STX2: variants seen among roughly 807,000 people sequenced by gnomAD.
STX2 encodes syntaxin 2, also known as syntaxin-2.
A neutral mutation model predicts 40.6 loss-of-function variants in STX2; 27 were observed. That is an observed-to-expected ratio of 0.66 (90% CI 0.49 to 0.92). STX2 has a LOEUF of 0.92. Among genes scored for constraint, STX2 ranks in the 40% least tolerant of loss-of-function variants. STX2 has a pLI of 0.00. For missense variants in STX2, 328 were observed against 366.1 expected (o/e 0.90, Z 0.85); for synonymous variants, 123 against 119.1 (o/e 1.03, Z -0.22).
At chr12:130,795,248 T>C (rs1950993104) in intron 10 of STX2, among the ~76,000 whole-genome samples, 1 of 152,222 alleles carries the variant, frequency 6.6e-6, no homozygotes, top group South Asian at 2.1e-4. Context: ...TCAATGTTTT[T>C]CTCAGCGTTC....
At chr12:130,812,707 A>G in intron 4 of STX2, 1 of 364,332 alleles carries the variant, frequency 2.7e-6, no homozygotes, top group South Asian at 3.8e-5. Context: ...GAGCCTGGCA[A>G]CTCACCTTCC....
intron 10 of STX2, 87 bp from the exon 11 acceptor site, chr12:130,792,064 T>G: frequency 2.2e-6 from 2 of 906,360 alleles, no homozygotes; most frequent in Non-Finnish European, 3.4e-6. Flanking sequence ...GGATTTGGGA[T>G]AGTTTAAAAA....
intron 6 of STX2, among the ~76,000 whole-genome samples, chr12:130,804,514 C>T (rs752756190): frequency 1.6e-4 from 25 of 152,150 alleles, no homozygotes; most frequent in Middle Eastern, 6.8e-3. Context: ...AAGACAGGGC[C>T]GGCTGCACAC....
chr12:130,797,892 C>CA (rs1197607197), intron 9 of STX2, among the ~76,000 whole-genome samples: 2 of 152,184 alleles, frequency 1.3e-5, no homozygotes, highest in Non-Finnish European at 2.9e-5. Flanking sequence ...TTCTTTCCTC[C>CA]AAACCAAGAA....
intron 10 of STX2, 106 bp downstream of exon 10, chr12:130,795,889 C>G: frequency 1.5e-6 from 2 of 1,366,304 alleles, no homozygotes; most frequent in Non-Finnish European, 1.9e-6. Context: ...ATCTGTACTG[C>G]GTGGCTGGCA....
At chr12:130,816,632 A>T (rs1951869430) in intron 3 of STX2, among the ~76,000 whole-genome samples, 1 of 152,222 alleles carries the variant, frequency 6.6e-6, no homozygotes, top group African/African-American at 2.4e-5. Flanking sequence ...ACTCTTTCTA[A>T]ATCTGTGTAA....
At position 130,813,917 on chromosome 12, in the gene STX2, AC is replaced by A. The variant is rs553555228; in HGVS notation, c.206-887del. On this transcript the variant is annotated intron_variant, in intron 3 of 10. Transcript: ENST00000392373. ...ACTTGCCTCTCTCACTCAATCTCAC[AC>A]GCATCAGCCGGGGAAAAGGCAAACG... Among the ~76,000 whole-genome samples, 6 of 152,210 alleles carry A rather than the reference AC, an allele frequency of 3.9e-5. No individual in the cohort carries two copies. In the East Asian group the frequency reaches 1.2e-3, roughly 29 times the overall value.
intron 1 of STX2, among the ~76,000 whole-genome samples, chr12:130,832,503 C>T (rs1952602627): frequency 6.6e-6 from 1 of 152,084 alleles, no homozygotes; most frequent in Non-Finnish European, 1.5e-5. Flanking sequence ...CTCTCCAAAG[C>T]ACTTGCAATA....
intron 1 of STX2, among the ~76,000 whole-genome samples, chr12:130,831,943 T>A (rs1038163095): frequency 1.3e-5 from 2 of 150,710 alleles, no homozygotes; most frequent in Middle Eastern, 3.2e-3. Flanking sequence ...TGATCACAGT[T>A]CACAACAGCT....
At chr12:130,812,364 G>A (rs574985098) in intron 4 of STX2, 7 of 454,970 alleles carry the variant, frequency 1.5e-5, no homozygotes, top group South Asian at 7.8e-5. Context: ...GAGCGGGTGC[G>A]GGTGGGAGCT....
At chr12:130,832,477 A>C (rs1259692762) in intron 1 of STX2, among the ~76,000 whole-genome samples, 1 of 152,036 alleles carries the variant, frequency 6.6e-6, no homozygotes, top group Non-Finnish European at 1.5e-5. Flanking sequence ...CAGCTTCACT[A>C]AACAATGCCA....
chr12:130,818,185 A>AAAATATATATATATAT, intron 3 of STX2, among the ~76,000 whole-genome samples: 50 of 70,496 alleles, frequency 7.1e-4, no homozygotes, highest in African/African-American at 1.1e-3. Flanking sequence ...AAAAAAAAAA[A>AAAATATATATATATAT]ATATATATAT....
intron 1 of STX2, 115 bp downstream of exon 1, chr12:130,838,955 A>G: frequency 1.1e-6 from 1 of 927,694 alleles, no homozygotes; most frequent in South Asian, 3.1e-5. Context: ...AGAACGCCGG[A>G]GATCCCCGCC....
At chr12:130,800,353 T>C (rs1177507304) in intron 8 of STX2, among the ~76,000 whole-genome samples, 1 of 150,292 alleles carries the variant, frequency 6.7e-6, no homozygotes, top group African/African-American at 2.4e-5. Context: ...CAGGCTGGAG[T>C]GTAGTGGCAT....
chr12:130,813,009 A>T lies in STX2; in HGVS notation c.228T>A (p.Asp76Glu), dbSNP rs1951718046. ...PEGKIKEELE[D>E]LNKEIKKTAN... ...CAGTTTTCTTGATTTCTTTGTTCAG[A>T]TCTTCAAGCTCTTCTTTTATTTCTA... Residue 76 changes from aspartate (D) to glutamate (E), a missense_variant, in exon 4 of 11, where the codon GAT becomes GAA. By Grantham distance (45) the Asp-to-Glu change is conservative. Transcript: ENST00000392373. 4 of 1,533,956 alleles carry T rather than the reference A, an allele frequency of 2.6e-6. No individual in the cohort carries two copies. Among genetic ancestry groups the T allele is most frequent in the Non-Finnish European group, 3.5e-6 (4 of 1,148,546 alleles).
chr12:130,804,926 A>G (rs1351003202), intron 6 of STX2, among the ~76,000 whole-genome samples: 2 of 152,200 alleles, frequency 1.3e-5, no homozygotes, highest in African/African-American at 2.4e-5. Context: ...AAGAGAGAAG[A>G]GACTTAGGCG....
At chr12:130,804,032 C>T (rs1951334136) in intron 6 of STX2, among the ~76,000 whole-genome samples, 2 of 152,218 alleles carry the variant, frequency 1.3e-5, no homozygotes, top group South Asian at 2.1e-4. Context: ...TTACATAATA[C>T]ACCTCTTATA....
At chr12:130,812,847 G>T (rs1951711930) in intron 4 of STX2, 110 bp downstream of exon 4, 2 of 734,538 alleles carry the variant, frequency 2.7e-6, no homozygotes, top group Non-Finnish European at 4.5e-6. Flanking sequence ...TTTTAAAGCA[G>T]TCACTATTTT....
At chr12:130,818,197 T>A (rs201823225) in intron 3 of STX2, among the ~76,000 whole-genome samples, 29,510 of 90,064 alleles carry the variant, frequency 0.33, 6,350 homozygotes, top group East Asian at 0.73. Context: ...TATATATATA[T>A]ATATATATAT....
Sources: gnomAD v4.1 joint callset for allele counts (sites outside exome capture counted in the v4.1 genomes callset) on GRCh38, gnomAD v4.1.1 for gene constraint, MANE v1.5 for transcripts, NCBI Gene and HGNC (gene_info 2026-07-23, HGNC 2026-07-21) for gene names.